Variants in SMUG1 observed in about 807,000 individuals in gnomAD.
SMUG1 encodes the protein single-strand-selective monofunctional uracil-DNA glycosylase 1.
Under a neutral mutation model 23.9 loss-of-function variants are expected in SMUG1, and 13 were observed. The ratio of observed to expected loss-of-function variants is 0.54; its 90% CI spans 0.35 to 0.86. SMUG1 has a LOEUF of 0.86. Among genes scored for constraint, SMUG1 ranks in the 40% least tolerant of loss-of-function variants. SMUG1 has a pLI of 0.01. For synonymous variants in SMUG1, 133 were observed against 139.8 expected (o/e 0.95, Z 0.34); for missense variants, 313 against 339.5 (o/e 0.92, Z 0.61).
intron 2 of SMUG1, among the ~76,000 whole-genome samples, chr12:54,185,179 G>A (rs756442032): frequency 2.0e-5 from 3 of 152,088 alleles, no homozygotes; most frequent in Non-Finnish European, 2.9e-5. Flanking sequence ...ATGGTGGTAC[G>A]TGCCTGTAAT....
chr12:54,185,464 T>G (rs1942114699), intron 2 of SMUG1, among the ~76,000 whole-genome samples: 2 of 107,598 alleles, frequency 1.9e-5, no homozygotes, highest in Non-Finnish European at 3.9e-5. Flanking sequence ...CAAGACTCCA[T>G]CTCAAAAAAA....
At chr12:54,177,322 C>G (rs931434668), downstream of SMUG1, among the ~76,000 whole-genome samples, 1 of 152,054 alleles carries the variant, frequency 6.6e-6, no homozygotes, top group Non-Finnish European at 1.5e-5. Flanking sequence ...AAACCTCCAC[C>G]GGTTAATTCG....
At chr12:54,161,246 G>A (rs373069347), downstream of SMUG1, among the ~76,000 whole-genome samples, 10 of 151,950 alleles carry the variant, frequency 6.6e-5, no homozygotes, top group African/African-American at 2.2e-4. The surrounding 1 kb of genome is among the most constrained non-coding windows in gnomAD (Gnocchi z 4.2). Context: ...GTTTCTCGGC[G>A]CGCAAAGCTA....
At chr12:54,175,987 G>A (rs1940740816), downstream of SMUG1, among the ~76,000 whole-genome samples, 1 of 152,210 alleles carries the variant, frequency 6.6e-6, no homozygotes, top group Non-Finnish European at 1.5e-5. Context: ...AGCACTTTGG[G>A]AGGCCAAGGC....
At chr12:54,180,065 G>T (rs558021011), downstream of SMUG1, among the ~76,000 whole-genome samples, 1 of 152,328 alleles carries the variant, frequency 6.6e-6, no homozygotes, top group South Asian at 2.1e-4. Context: ...ATCGGCATGT[G>T]GCTGAACTCA....
intron 4 of SMUG1, chr12:54,164,969 G>A (rs1383544062): frequency 3.3e-5 from 5 of 152,072 alleles, no homozygotes; most frequent in African/African-American, 7.2e-5. Flanking sequence ...TCTTGCTCCT[G>A]ACAACAACCC....
chr12:54,163,975 T>A (rs1227119931), downstream of SMUG1, among the ~76,000 whole-genome samples: 1 of 151,870 alleles, frequency 6.6e-6, no homozygotes, highest in Non-Finnish European at 1.5e-5. Flanking sequence ...CCAAGCAGTA[T>A]AACTGACAGG....
At chr12:54,161,639 C>T (rs376247919), downstream of SMUG1, among the ~76,000 whole-genome samples, 305 of 152,332 alleles carry the variant, frequency 2.0e-3, 7 homozygotes, top group South Asian at 0.053. The surrounding 1 kb of genome is among the most constrained non-coding windows in gnomAD (Gnocchi z 4.2). Flanking sequence ...TTCATCTCTC[C>T]CTTTCTCTCT....
At chr12:54,176,042 C>T (rs1366101767), downstream of SMUG1, among the ~76,000 whole-genome samples, 1 of 152,070 alleles carries the variant, frequency 6.6e-6, no homozygotes, top group Non-Finnish European at 1.5e-5. Context: ...GCCTGACCAA[C>T]ATGGAAAAAC....
Position 54,183,712 on chromosome 12 carries a change from T to G in SMUG1, c.229A>C (p.Lys77Gln), listed in dbSNP as rs1941673355. The change falls in exon 3 of 4, where the codon AAG becomes CAG. Residue 77 changes from lysine to glutamine, a missense_variant. Physicochemically the swap from Lys to Gln is moderately conservative, Grantham distance 53. Coordinates refer to ENST00000682136, the MANE Select transcript of SMUG1 (RefSeq NM_001243787.2). ...TTCATGCCCAGGAAGAGTACTTCCTTGGGGCCCTGGCAGTAGCGAGTCACG... is the reference window on the plus strand; with the variant it reads ...TTCATGCCCAGGAAGAGTACTTCCTGGGGGCCCTGGCAGTAGCGAGTCACG... ...NYVTRYCQGPKEVLFLGMNPG... is the reference protein window; with the variant it reads ...NYVTRYCQGPQEVLFLGMNPG... 2 of 1,613,908 alleles carry G rather than the reference T, an allele frequency of 1.2e-6. No homozygotes were observed. The highest frequency in any genetic ancestry group is 2.2e-5 in the South Asian group (2 of 91,072).
At chr12:54,182,797 T>C in intron 3 of SMUG1, 174 bp from the exon 4 acceptor site, 1 of 1,307,886 alleles carries the variant, frequency 7.6e-7, no homozygotes, top group South Asian at 1.6e-5. Flanking sequence ...AGCCTGTCTG[T>C]CTTTTTCCAG....
At chr12:54,183,323 C>A in intron 3 of SMUG1, 1 of 497,014 alleles carries the variant, frequency 2.0e-6, no homozygotes. Context: ...ACCCAGCAGT[C>A]CTAGTCCCTC....
At chr12:54,176,510 C>CCCCCG (rs1555199096), downstream of SMUG1, among the ~76,000 whole-genome samples, 1 of 110,222 alleles carries the variant, frequency 9.1e-6, no homozygotes, top group South Asian at 3.6e-4. Flanking sequence ...GATCCTGTCC[C>CCCCCG]CCCCCAAAAA....
Position 54,182,349 on chromosome 12 carries a change from C to T in SMUG1, c.560G>A (p.Arg187Gln), listed in dbSNP as rs778086758. The change falls in exon 4 of 4, where the codon CGA (arginine) becomes CAA (glutamine). Residue 187 changes from arginine (R) to glutamine (Q), a missense_variant. By Grantham distance (43) the Arg-to-Gln change is conservative. Coordinates refer to ENST00000682136, the MANE Select transcript of SMUG1 (RefSeq NM_001243787.2). ...LTPAELPAKQ[R>Q]EQLLGICDAA... ...ATCACAGATCCCAAGAAGCTGTTCT[C>T]GCTGCTTGGCAGGCAGCTCAGCAGG... 2.4e-5 allele frequency: 38 copies of T among 1,614,028 alleles called. No individual in the cohort carries two copies. The highest frequency in any genetic ancestry group is 4.0e-5 in the African/African-American group (3 of 74,896).
chr12:54,183,593 C>A (rs1174744417), intron 3 of SMUG1, 63 bp downstream of exon 3: 1 of 1,556,998 alleles, frequency 6.4e-7, no homozygotes, highest in Admixed American at 1.7e-5. Context: ...CTCCACAGCA[C>A]ACCCAGCCAA....
At chr12:54,175,748 G>C (rs764493808), downstream of SMUG1, among the ~76,000 whole-genome samples, 7 of 152,172 alleles carry the variant, frequency 4.6e-5, no homozygotes, top group Non-Finnish European at 7.3e-5. Flanking sequence ...TGAGGGTAAA[G>C]AATCATCTAA....
chr12:54,174,143 G>A (rs888407019), intron 2 of SMUG1, among the ~76,000 whole-genome samples: 2 of 152,048 alleles, frequency 1.3e-5, no homozygotes, highest in African/African-American at 2.4e-5. Flanking sequence ...TGATTCACAG[G>A]GGACACACAG....
chr12:54,162,563 C>T (rs1027615549), downstream of SMUG1: 8 of 152,188 alleles, frequency 5.3e-5, no homozygotes, highest in Non-Finnish European at 1.2e-4. Context: ...GGTGATAAAA[C>T]CCAGTATGGT....
chr12:54,167,715 C>T (rs941611749), intron 3 of SMUG1, among the ~76,000 whole-genome samples: 1 of 152,228 alleles, frequency 6.6e-6, no homozygotes, highest in Non-Finnish European at 1.5e-5. Flanking sequence ...CTCCTCACCC[C>T]AGCTACTGGT....
Sources: allele counts gnomAD v4.1 joint callset (sites outside exome capture counted in the v4.1 genomes callset), GRCh38; gene constraint gnomAD v4.1.1; non-coding constraint Gnocchi (gnomAD v3.1); transcripts MANE v1.5; gene names NCBI Gene and HGNC (gene_info 2026-07-23, HGNC 2026-07-21).